Variants in TMEM132E observed in about 807,000 individuals in gnomAD.
TMEM132E encodes transmembrane protein 132E.
Under a neutral mutation model 78.5 loss-of-function variants are expected in TMEM132E, and 49 were observed. The ratio of observed to expected loss-of-function variants is 0.62; its 90% CI spans 0.50 to 0.79. The LOEUF (loss-of-function observed/expected upper bound fraction) is 0.79. Among genes scored for constraint, TMEM132E ranks in the 30% least tolerant of loss-of-function variants. TMEM132E has a pLI of 0.00. For synonymous variants in TMEM132E, 715 were observed against 670.6 expected (o/e 1.07, Z -1.02); for missense variants, 1,403 against 1,470.9 (o/e 0.95, Z 0.75).
chr17:34,592,993 A>G (rs1905927825), intron 1 of TMEM132E, among the ~76,000 whole-genome samples: 2 of 152,248 alleles, frequency 1.3e-5, no homozygotes, highest in South Asian at 4.1e-4. Flanking sequence ...GAAATATAAC[A>G]GCAGCCACGT....
chr17:34,591,951 G>A (rs1476207052), intron 1 of TMEM132E, among the ~76,000 whole-genome samples: 2 of 152,218 alleles, frequency 1.3e-5, no homozygotes, highest in Non-Finnish European at 2.9e-5. Flanking sequence ...GTGTTTGGAA[G>A]TATCCAGAAC....
At chr17:34,606,323 G>A (rs1468819435) in intron 1 of TMEM132E, among the ~76,000 whole-genome samples, 1 of 152,096 alleles carries the variant, frequency 6.6e-6, no homozygotes, top group Non-Finnish European at 1.5e-5. Flanking sequence ...CTCCAGCCTG[G>A]GCAACAAGAG....
intron 2 of TMEM132E, 81 bp downstream of exon 2, chr17:34,627,138 GT>G: frequency 1.6e-6 from 2 of 1,231,414 alleles, no homozygotes; most frequent in Non-Finnish European, 2.3e-6. Flanking sequence ...GGGTTGGGGG[GT>G]GGGGGGACCT....
In TMEM132E at chr17:34,628,575, G is replaced by A. The variant is rs145797005; in HGVS notation, c.1011G>A (p.Lys337=). ...CACTTTGTCCCAGGGTGAAGGCCAAGAAGGGTGTGACCCTTTTAGGTACCA... is the reference window on the plus strand; with the variant it reads ...CACTTTGTCCCAGGGTGAAGGCCAAAAAGGGTGTGACCCTTTTAGGTACCA... ...VEHFTLRVKA[K]KGVTLLGTKS... The change falls in exon 3 of 9, where the codon AAG becomes AAA. Residue 337 remains lysine (K), a synonymous_variant. Transcript: ENST00000631683. The A allele has an allele frequency of 5.6e-6, 9 of 1,614,012 alleles. No individual in the cohort carries two copies. The East Asian group carries it at 2.0e-4, about 36-fold the overall frequency.
Position 34,626,647 on chromosome 17 carries a change from C to G in TMEM132E, c.588C>G (p.Pro196=). 7.0e-7 allele frequency: 1 copy of G among 1,437,298 alleles called. No homozygotes were observed. The highest frequency in any genetic ancestry group is 9.1e-7 in the Non-Finnish European group (1 of 1,098,766). 89.0% of individuals were successfully genotyped at this position (1,437,298 alleles called of 1,614,324 possible). ...CTTGTCTGGTGCGGGCAGAGCTGCC[C>G]CTGGCCTGGTTCGGGCCCCCAGCCC... The part of the protein sequence containing the change: ...LATCLVRAEL[P]LAWFGPPAPA... The change falls in exon 2 of 9, where the codon CCC becomes CCG. Residue 196 remains proline, a synonymous_variant. Transcript: ENST00000631683.
chr17:34,625,084 G>GA (rs992268861), intron 1 of TMEM132E, among the ~76,000 whole-genome samples: 1 of 152,062 alleles, frequency 6.6e-6, no homozygotes, highest in Non-Finnish European at 1.5e-5. Flanking sequence ...GTGTCCAGGA[G>GA]AAAAAAATAC....
intron 5 of TMEM132E, among the ~76,000 whole-genome samples, chr17:34,632,241 C>G (rs567276353): frequency 6.6e-6 from 1 of 152,210 alleles, no homozygotes; most frequent in African/African-American, 2.4e-5. Context: ...GTCTGCCCCC[C>G]ATCCCCATCC....
At chr17:34,629,927 T>C (rs913930720) in intron 4 of TMEM132E, 81 bp from the exon 5 acceptor site, 35 of 1,452,894 alleles carry the variant, frequency 2.4e-5, no homozygotes, top group Non-Finnish European at 2.8e-6. Context: ...GGGGGGAGCG[T>C]CCAGGAGCTG....
intron 1 of TMEM132E, among the ~76,000 whole-genome samples, chr17:34,615,661 G>C (rs764454692): frequency 6.6e-6 from 1 of 151,760 alleles, no homozygotes; most frequent in Non-Finnish European, 1.5e-5. Flanking sequence ...CTAGGTGCCA[G>C]GGATTAAAAA....
At chr17:34,591,509 C>T (rs1905870147) in intron 1 of TMEM132E, among the ~76,000 whole-genome samples, 1 of 152,218 alleles carries the variant, frequency 6.6e-6, no homozygotes, top group African/African-American at 2.4e-5. Flanking sequence ...CTTGCAAATA[C>T]ATTGTTGCCC....
chr17:34,603,423 T>A (rs73988734), intron 1 of TMEM132E, among the ~76,000 whole-genome samples: 13,167 of 152,082 alleles, frequency 0.087, 1,690 homozygotes, highest in African/African-American at 0.27. Context: ...CCCTGTATAG[T>A]CGTGTTCCAC....
chr17:34,623,393 G>A (rs1907022462), intron 1 of TMEM132E, among the ~76,000 whole-genome samples: 1 of 81,366 alleles, frequency 1.2e-5, no homozygotes, highest in African/African-American at 4.4e-5. Context: ...GGCAGGGCTA[G>A]TACCCGCTCC....
intron 5 of TMEM132E, among the ~76,000 whole-genome samples, chr17:34,632,363 G>C (rs1405856482): frequency 6.6e-6 from 1 of 152,244 alleles, no homozygotes; most frequent in Non-Finnish European, 1.5e-5. Flanking sequence ...GTCTTGCTGG[G>C]GGAGGGGAGC....
intron 1 of TMEM132E, among the ~76,000 whole-genome samples, chr17:34,584,955 A>G (rs969993059): frequency 6.6e-6 from 1 of 152,032 alleles, no homozygotes; most frequent in Non-Finnish European, 1.5e-5. Context: ...TTGTGTCCAC[A>G]CCCCTACCCC....
Position 34,626,807 on chromosome 17 carries a change from CG to C in TMEM132E, c.754del (p.Ala252ProfsTer43). On this transcript the variant is annotated frameshift_variant, in exon 2 of 9. Coordinates refer to ENST00000631683, the MANE Select transcript of TMEM132E (RefSeq NM_001304438.2). LOFTEE classifies it high-confidence loss of function. Reference sequence around the variant, plus strand: ...GTCGGGGGGCTGCGGGGGCTCCCGCCGGGGGGCCGGGCCCGGGGTGGGGGCC... The same window carrying C: ...GTCGGGGGGCTGCGGGGGCTCCCGCCGGGGGCCGGGCCCGGGGTGGGGGCC... ...DASGGCGGSR[R>X]GAGPGVGARA... 1.3e-6 allele frequency: 2 copies of C among 1,526,120 alleles called. No individual in the cohort carries two copies. The highest frequency in any genetic ancestry group is 1.8e-6 in the Non-Finnish European group (2 of 1,140,650). 94.5% of individuals were successfully genotyped at this position (1,526,120 alleles called of 1,614,324 possible). A position where few individuals can be genotyped will look rare whatever the true frequency, so the allele number is the denominator to read the frequency against.
chr17:34,600,543 A>G (rs1344514794), intron 1 of TMEM132E, among the ~76,000 whole-genome samples: 1 of 151,730 alleles, frequency 6.6e-6, no homozygotes, highest in Non-Finnish European at 1.5e-5. Context: ...GAGGTTTGCC[A>G]TGGGGCACCT....
intron 1 of TMEM132E, among the ~76,000 whole-genome samples, chr17:34,624,948 G>C (rs931477335): frequency 6.6e-6 from 1 of 152,136 alleles, no homozygotes; most frequent in Non-Finnish European, 1.5e-5. Flanking sequence ...AATGTGACTC[G>C]GGAGGTTCTT....
chr17:34,636,044 C>A lies in TMEM132E; in HGVS notation c.2015C>A (p.Thr672Lys). 2 of 1,553,728 alleles carry A rather than the reference C, an allele frequency of 1.3e-6. No homozygotes were observed. Among genetic ancestry groups the A allele is most frequent in the African/African-American group, 1.4e-5 (1 of 71,660 alleles). Residue 672 changes from threonine to lysine, a missense_variant, in exon 8 of 9, where the codon ACG becomes AAG. By Grantham distance (78) the Thr-to-Lys change is moderately conservative. Coordinates refer to ENST00000631683, the MANE Select transcript of TMEM132E (RefSeq NM_001304438.2). ...SPLTEAVLGE[T>K]LLTVTEEKVS... ...CTGACGGAGGCTGTGCTCGGGGAGA[C>A]GCTGCTGACGGTGACTGAGGAGAAG... is the stretch of plus-strand genomic sequence containing the variant.
intron 1 of TMEM132E, among the ~76,000 whole-genome samples, chr17:34,593,448 G>C (rs576733297): frequency 9.2e-5 from 14 of 152,180 alleles, no homozygotes; most frequent in Non-Finnish European, 1.9e-4. Flanking sequence ...CCACCCAACA[G>C]GACAGTACAG....
Sources: gnomAD v4.1 joint callset for allele counts (sites outside exome capture counted in the v4.1 genomes callset) on GRCh38, gnomAD v4.1.1 for gene constraint, MANE v1.5 for transcripts, NCBI Gene and HGNC (gene_info 2026-07-23, HGNC 2026-07-21) for gene names.